The following OTOG variants were observed in gnomAD, a reference collection of about 807,000 sequenced individuals.
OTOG encodes otogelin.
OTOG carries 296 observed loss-of-function variants against 313.8 expected under a neutral mutation model. That is an observed-to-expected ratio of 0.94 (90% CI 0.86 to 1.04). The LOEUF is 1.04. Ranked by LOEUF, OTOG falls within the 50% of genes least tolerant of loss-of-function variation. The pLI, the probability that OTOG is intolerant of heterozygous loss-of-function variation, is 0.00. For missense variants in OTOG, 3,948 were observed against 3,840.1 expected (o/e 1.03, Z -0.74); for synonymous variants, 1,533 against 1,554.9 (o/e 0.99, Z 0.33).
chr11:17,629,347 A>G, intron 40 of OTOG, 31 bp downstream of exon 40: 2 of 1,530,456 alleles, frequency 1.3e-6, no homozygotes. Flanking sequence ...CGGGGAGGGG[A>G]TGCTTCCCAG....
At chr11:17,577,415 GA>G (rs1852556965) in intron 22 of OTOG, among the ~76,000 whole-genome samples, 1 of 152,114 alleles carries the variant, frequency 6.6e-6, no homozygotes, top group Non-Finnish European at 1.5e-5. Flanking sequence ...CTGTGAGGTG[GA>G]GTAGGGCCTG....
intron 39 of OTOG, among the ~76,000 whole-genome samples, chr11:17,624,494 T>C (rs1181097576): frequency 6.6e-6 from 1 of 152,174 alleles, no homozygotes; most frequent in Non-Finnish European, 1.5e-5. Context: ...GGCTCTGTAT[T>C]CTGTTCCATT....
At chr11:17,608,272 T>C in intron 33 of OTOG, 24 bp from the exon 34 acceptor site, 7 of 1,470,650 alleles carry the variant, frequency 4.8e-6, no homozygotes, top group Middle Eastern at 1.7e-4. Context: ...TGACCCAGAG[T>C]TGCTGCCCCA....
intron 53 of OTOG, among the ~76,000 whole-genome samples, chr11:17,643,151 C>G (rs1193626643): frequency 6.6e-6 from 1 of 152,224 alleles, no homozygotes; most frequent in Admixed American, 6.5e-5. Flanking sequence ...CTCCCTTATC[C>G]TCTGTGCTGG....
intron 24 of OTOG, among the ~76,000 whole-genome samples, chr11:17,587,782 AT>A (rs921414440): frequency 4.0e-5 from 6 of 151,818 alleles, no homozygotes; most frequent in African/African-American, 1.5e-4. Flanking sequence ...CTGTGTGCTC[AT>A]TTTTTTTCTT....
intron 39 of OTOG, among the ~76,000 whole-genome samples, chr11:17,618,200 C>T: frequency 6.6e-6 from 1 of 152,200 alleles, no homozygotes; most frequent in East Asian, 1.9e-4. Flanking sequence ...CATGCCTGGC[C>T]TCTTTTTCTA....
chr11:17,576,056 T>C (rs187046879), intron 20 of OTOG, among the ~76,000 whole-genome samples: 184 of 152,032 alleles, frequency 1.2e-3, no homozygotes, highest in African/African-American at 4.0e-3. Flanking sequence ...GAAGAATCAA[T>C]GAGATTATGT....
intron 12 of OTOG, among the ~76,000 whole-genome samples, chr11:17,560,151 G>A (rs1852151606): frequency 6.6e-6 from 1 of 152,220 alleles, no homozygotes; most frequent in Non-Finnish European, 1.5e-5. Context: ...CATGTATGGG[G>A]ACTGGTTTTC....
chr11:17,608,533 G>GGAAAGACACA, intron 34 of OTOG, 120 bp downstream of exon 34: 1 of 657,996 alleles, frequency 1.5e-6, no homozygotes, highest in Non-Finnish European at 2.4e-6. Flanking sequence ...TGTGTACCAC[G>GGAAAGACACA]GTAACTGTGT....
chr11:17,602,997 A>G (rs1409867853), intron 32 of OTOG, among the ~76,000 whole-genome samples: 1 of 152,240 alleles, frequency 6.6e-6, no homozygotes, highest in Non-Finnish European at 1.5e-5. Context: ...GGAGTCAGGA[A>G]GGGAAACTTC....
Position 17,570,206 on chromosome 11 carries a change from T to C in OTOG, c.1778-7T>C. ...TCCCACTCTCTCCTTTTGGATTCTG[T>C]GCCCAGATGCCTTTGAGATCCGTAG... is the stretch of plus-strand genomic sequence containing the variant. On this transcript the variant is annotated splice_polypyrimidine_tract_variant and splice_region_variant and intron_variant, in intron 16 of 55. Transcript: ENST00000399397. 6.5e-7 allele frequency: 1 copy of C among 1,550,140 alleles called. No homozygotes were observed. The highest frequency in any genetic ancestry group is 2.4e-5 in the East Asian group (1 of 40,928).
In OTOG at chr11:17,635,724, T is replaced by G. The variant is rs1854249355; in HGVS notation, c.7795+13T>G. The stretch of plus-strand genomic sequence containing the variant: ...CTGTACCAGTGTGGTGAGTCCTGGC[T>G]GGGCACATGGCGGGCTGCGGCAGGA... On this transcript the variant is annotated intron_variant, in intron 47 of 55. Coordinates refer to ENST00000399397, the MANE Select transcript of OTOG (RefSeq NM_001292063.2). The G allele has an allele frequency of 6.5e-7, 1 of 1,546,486 alleles. No homozygotes were observed. The highest frequency in any genetic ancestry group is 8.7e-7 in the Non-Finnish European group (1 of 1,143,402).
intron 24 of OTOG, 112 bp downstream of exon 24, chr11:17,586,693 G>A (rs1231169776): frequency 7.5e-6 from 4 of 531,334 alleles, no homozygotes; most frequent in Admixed American, 8.8e-5. Context: ...TTGTATTCAT[G>A]TTGTGCGTTT....
intron 47 of OTOG, among the ~76,000 whole-genome samples, chr11:17,636,433 T>C (rs1453443744): frequency 6.6e-6 from 1 of 152,140 alleles, no homozygotes; most frequent in East Asian, 1.9e-4. Flanking sequence ...ACACTGATAA[T>C]AGGAGAAGCA....
chr11:17,580,744 T>G (rs1852646863), intron 23 of OTOG, among the ~76,000 whole-genome samples: 1 of 152,144 alleles, frequency 6.6e-6, no homozygotes, highest in Non-Finnish European at 1.5e-5. Flanking sequence ...AAACCAATAT[T>G]TATTGTGTTT....
At chr11:17,550,058 T>C (rs574322659) in intron 3 of OTOG, among the ~76,000 whole-genome samples, 3 of 152,354 alleles carry the variant, frequency 2.0e-5, no homozygotes, top group African/African-American at 7.2e-5. Flanking sequence ...AAACACATTG[T>C]TATTTACAGA....
chr11:17,593,435 G>C (rs944823212), intron 26 of OTOG, 108 bp downstream of exon 26: 1 of 1,443,136 alleles, frequency 6.9e-7, no homozygotes. Flanking sequence ...TTCTCTTGGA[G>C]AGCCACTGAG....
Position 17,612,743 on chromosome 11 carries a change from T to G in OTOG, c.6416T>G (p.Leu2139Arg), listed in dbSNP as rs1294422152. Residue 2139 changes from leucine (L) to arginine (R), a missense_variant, in exon 38 of 56, where the codon CTG becomes CGG. Coordinates refer to ENST00000399397, the MANE Select transcript of OTOG (RefSeq NM_001292063.2). ...GATGAAATGCTCACCGTCCATGTAC[T>G]GGACTGCAAAAGTGCCAACCTGGTG... ...SPDEMLTVHV[L>R]DCKSANLGHL... is the part of the protein sequence containing the mutation. 1.9e-6 allele frequency: 3 copies of G among 1,550,536 alleles called. No homozygotes were observed. Among genetic ancestry groups the G allele is most frequent in the Non-Finnish European group, 2.6e-6 (3 of 1,146,962 alleles).
chr11:17,613,229 TTCTTTC>T (rs1342124209), intron 38 of OTOG, among the ~76,000 whole-genome samples: 1 of 134,686 alleles, frequency 7.4e-6, no homozygotes, highest in African/African-American at 3.0e-5. Flanking sequence ...CTTTCTTTCT[TTCTTTC>T]TTTCTTTCTT....
Sources: allele counts gnomAD v4.1 joint callset (sites outside exome capture counted in the v4.1 genomes callset), GRCh38; gene constraint gnomAD v4.1.1; transcripts MANE v1.5; gene names NCBI Gene and HGNC (gene_info 2026-07-23, HGNC 2026-07-21).